SUMF1: variants seen among roughly 807,000 people sequenced by gnomAD.
SUMF1 encodes the protein formylglycine-generating enzyme.
A neutral mutation model predicts 47.6 loss-of-function variants in SUMF1; 48 were observed. The ratio of observed to expected loss-of-function variants is 1.01; its 90% confidence interval spans 0.80 to 1.28. The LOEUF is 1.28. SUMF1 is among the 50% of genes most tolerant of loss of function. SUMF1 has a pLI of 0.00. For missense variants in SUMF1, 571 were observed against 485.4 expected, an observed-to-expected ratio of 1.18 and a Z score of -1.66; for synonymous variants, 230 against 192.1, an observed-to-expected ratio of 1.20 and a Z score of -1.63.
chr3:4,193,468 T>C (rs1695364463), intron 8 of SUMF1, among the ~76,000 whole-genome samples: 1 of 152,138 alleles, frequency 6.6e-6, no homozygotes, highest in Non-Finnish European at 1.5e-5. Flanking sequence ...GACACCCGAA[T>C]TTGTGGCTGG....
chr3:4,455,965 A>C (rs1354479810), intron 1 of SUMF1, among the ~76,000 whole-genome samples: 1 of 152,228 alleles, frequency 6.6e-6, no homozygotes, highest in Non-Finnish European at 1.5e-5. Flanking sequence ...CATAGATGCA[A>C]ACATTCTAAC....
intron 8 of SUMF1, among the ~76,000 whole-genome samples, chr3:4,347,134 A>T (rs1699390678): frequency 6.6e-6 from 1 of 152,224 alleles, no homozygotes; most frequent in Non-Finnish European, 1.5e-5. Flanking sequence ...TTCCTTCTGA[A>T]ACTATTCCAA....
At chr3:4,219,544 G>A (rs984345835) in intron 8 of SUMF1, among the ~76,000 whole-genome samples, 5 of 152,114 alleles carry the variant, frequency 3.3e-5, no homozygotes, top group Non-Finnish European at 7.4e-5. Context: ...CCACAGTCAT[G>A]GTTGTCTAAT....
chr3:4,362,399 G>A (rs1473356286), intron 8 of SUMF1, 145 bp from the exon 9 acceptor site: 10 of 715,948 alleles, frequency 1.4e-5, no homozygotes, highest in Non-Finnish European at 2.2e-5. Flanking sequence ...GCTTTAAAAA[G>A]GGCAGCACAT....
chr3:4,109,126 A>T (rs1459980427), intron 8 of SUMF1, among the ~76,000 whole-genome samples: 3 of 152,050 alleles, frequency 2.0e-5, no homozygotes, highest in African/African-American at 7.3e-5. Context: ...CCTGGTGGTG[A>T]CAAAATCTCT....
At chr3:4,114,285 T>C (rs1435125524) in intron 8 of SUMF1, among the ~76,000 whole-genome samples, 2 of 152,088 alleles carry the variant, frequency 1.3e-5, no homozygotes, top group South Asian at 2.1e-4. Context: ...AAAGCTTTTA[T>C]ATTCTCTATC....
At chr3:4,207,737 G>A (rs141604189) in intron 8 of SUMF1, among the ~76,000 whole-genome samples, 6 of 152,226 alleles carry the variant, frequency 3.9e-5, no homozygotes, top group South Asian at 2.1e-4. Flanking sequence ...CATCAAAGAA[G>A]TGAGGTAGCA....
intron 8 of SUMF1, among the ~76,000 whole-genome samples, chr3:4,188,547 G>C (rs1444060): frequency 0.34 from 51,999 of 151,864 alleles, 9,048 homozygotes; most frequent in East Asian, 0.4. Context: ...CTGGGCACTA[G>C]GTTTTCCACA....
At chr3:4,376,595 C>T (rs1700338175) in intron 7 of SUMF1, among the ~76,000 whole-genome samples, 1 of 152,166 alleles carries the variant, frequency 6.6e-6, no homozygotes, top group Non-Finnish European at 1.5e-5. Flanking sequence ...TAAGGCCCAC[C>T]TCAAGTTTCC....
At chr3:4,364,038 G>T (rs551353546) in intron 8 of SUMF1, among the ~76,000 whole-genome samples, 11 of 130,718 alleles carry the variant, frequency 8.4e-5, no homozygotes, top group Non-Finnish European at 1.8e-4. Context: ...ATTCATTTGC[G>T]TATATTGAAC....
At chr3:4,131,765 T>C (rs959383487) in intron 8 of SUMF1, among the ~76,000 whole-genome samples, 3 of 152,082 alleles carry the variant, frequency 2.0e-5, no homozygotes, top group Admixed American at 2.0e-4. Flanking sequence ...TGAGTGCTCA[T>C]CAATGGGTGA....
intron 8 of SUMF1, among the ~76,000 whole-genome samples, chr3:4,348,240 A>G (rs1307396440): frequency 6.6e-6 from 1 of 152,230 alleles, no homozygotes; most frequent in Non-Finnish European, 1.5e-5. Flanking sequence ...AGCGAAAAGA[A>G]CAAAGCTGGA....
intron 7 of SUMF1, among the ~76,000 whole-genome samples, chr3:4,409,626 G>A (rs17756483): frequency 0.029 from 4,438 of 152,236 alleles, 108 homozygotes; most frequent in African/African-American, 0.065. Flanking sequence ...ACATCTTGCC[G>A]GTAGAGAATG....
chr3:4,176,575 T>C (rs566307613), intron 8 of SUMF1, among the ~76,000 whole-genome samples: 4 of 152,042 alleles, frequency 2.6e-5, no homozygotes, highest in African/African-American at 7.2e-5. Context: ...TACCAGCTAC[T>C]GAAAAAACAG....
intron 8 of SUMF1, among the ~76,000 whole-genome samples, chr3:4,136,491 C>T (rs9756350): frequency 4.6e-5 from 7 of 152,006 alleles, no homozygotes; most frequent in African/African-American, 1.7e-4. Context: ...TAAAGACTTA[C>T]ATGTTAGACC....
chr3:4,435,914 C>T (rs1702381604), intron 3 of SUMF1, among the ~76,000 whole-genome samples: 1 of 152,104 alleles, frequency 6.6e-6, no homozygotes, highest in Non-Finnish European at 1.5e-5. Flanking sequence ...CAGAAGGAAA[C>T]ATGGAACTTT....
rs75024897 is a variant in SUMF1, at chr3:4,334,520, C to G, written c.1014+41810G>C. Among the ~76,000 whole-genome samples the G allele has an allele frequency of 7.2e-5, 11 of 152,304 alleles. No homozygotes were observed. In the East Asian group the frequency reaches 1.5e-3, roughly 21 times the overall value. ...TCTTTCAGGACATGTTCTCTAGGAT[C>G]TTAGCTTCTCAACTGACTGTCCACA... On this transcript the variant is annotated intron_variant and NMD_transcript_variant, in intron 8 of 12. Coordinates refer to the SUMF1 transcript ENST00000448413.
At chr3:4,316,521 G>C in intron 8 of SUMF1, 1 of 1,584,924 alleles carries the variant, frequency 6.3e-7, no homozygotes, top group Admixed American at 1.8e-5. Flanking sequence ...TTCTACGGTC[G>C]TTCGACATTT....
intron 9 of SUMF1, among the ~76,000 whole-genome samples, chr3:4,045,039 T>C (rs926113118): frequency 6.6e-6 from 1 of 152,226 alleles, no homozygotes; most frequent in Non-Finnish European, 1.5e-5. Context: ...TTAGTTTTAT[T>C]TGTTCAGTTT....
Sources: gnomAD v4.1 joint callset for allele counts (sites outside exome capture counted in the v4.1 genomes callset) on GRCh38, gnomAD v4.1.1 for gene constraint, MANE v1.5 for transcripts, NCBI Gene and HGNC (gene_info 2026-07-23, HGNC 2026-07-21) for gene names.